Variants in MYO5C observed in about 807,000 individuals in gnomAD.
MYO5C encodes unconventional myosin-Vc.
Under a neutral mutation model 235.7 loss-of-function variants are expected in MYO5C, and 194 were observed. The ratio of observed to expected loss-of-function variants is 0.82; its 90% CI spans 0.73 to 0.93. The LOEUF is 0.93. Among genes scored for constraint, MYO5C ranks in the 40% least tolerant of loss-of-function variants. The probability of loss-of-function intolerance (pLI) is 0.00; values close to 1 mark genes in which losing one functional copy is unlikely to be tolerated. For missense variants in MYO5C, 2,038 were observed against 2,127.2 expected (o/e 0.96, Z 0.82); for synonymous variants, 707 against 754.8 (o/e 0.94, Z 1.04).
intron 38 of MYO5C, 91 bp downstream of exon 38, chr15:52,204,774 C>T (rs2035264209): frequency 2.1e-6 from 3 of 1,462,012 alleles, no homozygotes; most frequent in East Asian, 4.7e-5. Context: ...TTTGACGCCA[C>T]AGCAGGGAGG....
At chr15:52,262,443 G>C (rs1411503083) in intron 9 of MYO5C, among the ~76,000 whole-genome samples, 1 of 152,084 alleles carries the variant, frequency 6.6e-6, no homozygotes, top group Non-Finnish European at 1.5e-5. Flanking sequence ...TGGGGGTTTG[G>C]GGAAAAAAGG....
At chr15:52,244,096 T>C (rs1172340229) in intron 19 of MYO5C, among the ~76,000 whole-genome samples, 1 of 152,164 alleles carries the variant, frequency 6.6e-6, no homozygotes, top group East Asian at 1.9e-4. Flanking sequence ...CTCTCCTTAG[T>C]AACACTCTCA....
intron 34 of MYO5C, 39 bp from the exon 35 acceptor site, chr15:52,211,923 G>C: frequency 6.3e-7 from 1 of 1,598,486 alleles, no homozygotes; most frequent in Non-Finnish European, 8.5e-7. Flanking sequence ...CAGCTGACAG[G>C]TCAGCTCTTC....
At chr15:52,244,618 T>A (rs775044736) in intron 18 of MYO5C, 51 bp from the exon 19 acceptor site, 19 of 1,333,340 alleles carry the variant, frequency 1.4e-5, no homozygotes, top group Non-Finnish European at 1.9e-5. Context: ...AGATTTTCTA[T>A]AATACAGTAT....
chr15:52,249,791 GGGAC>G (rs1423714311), intron 13 of MYO5C, among the ~76,000 whole-genome samples: 1 of 152,174 alleles, frequency 6.6e-6, no homozygotes, highest in Non-Finnish European at 1.5e-5. Context: ...GCCTCTGTTG[GGGAC>G]TCTGGGACCA....
At chr15:52,275,851 A>G in intron 4 of MYO5C, 133 bp from the exon 5 acceptor site, 2 of 867,658 alleles carry the variant, frequency 2.3e-6, no homozygotes, top group Non-Finnish European at 1.8e-6. Flanking sequence ...ATCTCAATCA[A>G]TTTCCTTCTA....
At chr15:52,223,131 A>G (rs1347200083) in intron 29 of MYO5C, among the ~76,000 whole-genome samples, 1 of 139,086 alleles carries the variant, frequency 7.2e-6, no homozygotes, top group African/African-American at 2.6e-5. Context: ...CCTGGGCAAC[A>G]GAGTGAGACT....
In MYO5C at chr15:52,223,817, C is replaced by T. The variant is rs558937881; in HGVS notation, c.3447-93G>A. 2.2e-4 allele frequency: 254 copies of T among 1,151,664 alleles called. No homozygotes were observed. The highest frequency in any genetic ancestry group is 2.1e-3 in the African/African-American group (137 of 64,106). 71.3% of individuals were successfully genotyped at this position (1,151,664 alleles called of 1,614,324 possible). On this transcript the variant is annotated intron_variant, in intron 28 of 40. Coordinates refer to ENST00000261839, the MANE Select transcript of MYO5C (RefSeq NM_018728.4). Reference sequence around the variant, plus strand: ...AGTTATGAAGACCCACAACAAGAGCCGTGCACGAAGTACATCAAGTTTACT... The same window carrying T: ...AGTTATGAAGACCCACAACAAGAGCTGTGCACGAAGTACATCAAGTTTACT...
At position 52,196,469 on chromosome 15, in the gene MYO5C, T is replaced by C. The variant is rs758991627; in HGVS notation, c.4835A>G (p.Tyr1612Cys). The change falls in exon 39 of 41, where the codon TAC (tyrosine) becomes TGC (cysteine). Residue 1612 changes from tyrosine (Y) to cysteine (C), a missense_variant. Physicochemically the swap from Tyr to Cys is radical, Grantham distance 194 (BLOSUM62 -2). Coordinates refer to ENST00000261839, the MANE Select transcript of MYO5C (RefSeq NM_018728.4). The stretch of plus-strand genomic sequence containing the variant: ...CTTATCTTTAAGCCATTCTTCTAAG[T>C]AGCTGATATTGCACCTGGAGGGAAA... ...KGMQIRCNIS[Y>C]LEEWLKDKNL... 6.2e-7 allele frequency: 1 copy of C among 1,613,420 alleles called. No homozygotes were observed. Among genetic ancestry groups the C allele is most frequent in the Non-Finnish European group, 8.5e-7 (1 of 1,179,748 alleles).
chr15:52,283,913 G>T (rs1047087303), intron 1 of MYO5C, among the ~76,000 whole-genome samples: 1 of 151,982 alleles, frequency 6.6e-6, no homozygotes, highest in African/African-American at 2.4e-5. Context: ...GACCTCAGGC[G>T]ATCCACCTGC....
chr15:52,283,395 C>T (rs2037200318), intron 1 of MYO5C, among the ~76,000 whole-genome samples: 1 of 152,202 alleles, frequency 6.6e-6, no homozygotes, highest in Admixed American at 6.5e-5. Flanking sequence ...ACAGCAATGT[C>T]ATCATAATCT....
rs182653004 is a variant in MYO5C at position 52,270,873 on chromosome 15, G to A, written c.832+890C>T. Among the ~76,000 whole-genome samples the A allele has an allele frequency of 1.5e-3, 227 of 152,238 alleles. 1 individual carries two copies. Among genetic ancestry groups the A allele is most frequent in the African/African-American group, 5.4e-3 (223 of 41,544 alleles). On this transcript the variant is annotated intron_variant, in intron 7 of 40. Transcript: ENST00000261839. ...CAAGCAACTTCTCCAAAATTAGAGA[G>A]TGTGAGTTCAACTCCAACATACTAG...
intron 1 of MYO5C, among the ~76,000 whole-genome samples, chr15:52,291,731 GTTTTTTTT>G (rs1196328559): frequency 9.5e-5 from 5 of 52,562 alleles, no homozygotes; most frequent in Non-Finnish European, 9.9e-5. Flanking sequence ...CATATTTTAT[GTTTTTTTT>G]TTTTTTTTTT....
chr15:52,240,337 G>C (rs1279725775), intron 20 of MYO5C, among the ~76,000 whole-genome samples: 1 of 152,046 alleles, frequency 6.6e-6, no homozygotes, highest in Non-Finnish European at 1.5e-5. Context: ...GGGAGGCCCA[G>C]GAGGGAAGAT....
At position 52,279,682 on chromosome 15, in the gene MYO5C, C is replaced by A; in HGVS notation, c.139-8G>T. 6.2e-7 allele frequency: 1 copy of A among 1,600,008 alleles called. No individual in the cohort carries two copies. The highest frequency in any genetic ancestry group is 1.1e-5 in the South Asian group (1 of 90,588). ...GACAGAATAATCCAGCTCCTATGGA[C>A]AAAGATAAAAATTAAAGCTCTGGAA... On this transcript the variant is annotated splice_polypyrimidine_tract_variant and splice_region_variant and intron_variant, in intron 2 of 40. Coordinates refer to ENST00000261839, the MANE Select transcript of MYO5C (RefSeq NM_018728.4).
chr15:52,212,894 G>C (rs2035478277), intron 34 of MYO5C, among the ~76,000 whole-genome samples: 1 of 152,234 alleles, frequency 6.6e-6, no homozygotes, highest in Non-Finnish European at 1.5e-5. Context: ...ACTGAGGACA[G>C]TTTTGGCCCC....
At position 52,193,886 on chromosome 15, in the gene MYO5C, T is replaced by C. The variant is rs533558650; in HGVS notation, c.*16A>G. On this transcript the variant is annotated 3_prime_UTR_variant, in exon 41 of 41. Coordinates refer to ENST00000261839, the MANE Select transcript of MYO5C (RefSeq NM_018728.4). ...ACTTAGCTTTTGAAGAAAAAGTGCA[T>C]TGACTTTTTCTCCTGCTATAACCTA... is the stretch of plus-strand genomic sequence containing the variant. 31 of 1,599,900 alleles carry C rather than the reference T, an allele frequency of 1.9e-5. No individual in the cohort carries two copies. Among genetic ancestry groups the C allele is most frequent in the Middle Eastern group, 3.3e-4 (2 of 6,038 alleles).
intron 17 of MYO5C, 48 bp downstream of exon 17, chr15:52,245,908 C>A: frequency 5.8e-6 from 9 of 1,538,926 alleles, no homozygotes; most frequent in Non-Finnish European, 8.1e-6. Context: ...CTCAGCATAG[C>A]TCTGATGTCA....
intron 1 of MYO5C, among the ~76,000 whole-genome samples, chr15:52,288,915 C>A (rs149724281): frequency 4.6e-5 from 7 of 152,200 alleles, no homozygotes; most frequent in South Asian, 2.1e-4. Context: ...AGCCACCCCC[C>A]CAAGGCACAC....
Sources: gnomAD v4.1 joint callset for allele counts (sites outside exome capture counted in the v4.1 genomes callset) on GRCh38, gnomAD v4.1.1 for gene constraint, MANE v1.5 for transcripts, NCBI Gene and HGNC (gene_info 2026-07-23, HGNC 2026-07-21) for gene names.